The following HCN1 variants were observed in gnomAD, a reference collection of about 807,000 sequenced individuals.
The protein encoded by HCN1 is hyperpolarization activated cyclic nucleotide gated potassium channel 1.
Under a neutral mutation model 78.9 loss-of-function variants are expected in HCN1, and 13 were observed. The ratio of observed to expected loss-of-function variants is 0.16; its 90% CI spans 0.11 to 0.26. HCN1 has a LOEUF of 0.26. Among genes scored for constraint, HCN1 ranks in the 10% least tolerant of loss-of-function variants. HCN1 has a pLI of 1.00. For missense variants in HCN1, 810 were observed against 1,154.3 expected (o/e 0.70, Z 4.32); for synonymous variants, 552 against 455.5 (o/e 1.21, Z -2.70).
At chr5:45,624,396 T>C (rs929308897) in intron 2 of HCN1, among the ~76,000 whole-genome samples, 1 of 152,022 alleles carries the variant, frequency 6.6e-6, no homozygotes, top group Non-Finnish European at 1.5e-5. Flanking sequence ...GCATTAGAGA[T>C]GGAAACAGTG....
chr5:45,482,970 T>C (rs995716993), intron 2 of HCN1, among the ~76,000 whole-genome samples: 1 of 152,204 alleles, frequency 6.6e-6, no homozygotes, highest in Non-Finnish European at 1.5e-5. Flanking sequence ...TAGTATTCTA[T>C]GGTGTATATG....
chr5:45,335,342 A>T (rs926123686), intron 5 of HCN1, among the ~76,000 whole-genome samples: 20 of 152,090 alleles, frequency 1.3e-4, no homozygotes, highest in African/African-American at 4.6e-4. Flanking sequence ...CTACTAATGA[A>T]TCTAATTAGT....
chr5:45,504,434 C>A (rs1052656785), intron 2 of HCN1, among the ~76,000 whole-genome samples: 9 of 151,792 alleles, frequency 5.9e-5, no homozygotes, highest in Non-Finnish European at 1.0e-4. Flanking sequence ...TGAACTCATC[C>A]TTTTTTTTGG....
chr5:45,659,726 A>G (rs1413606359), intron 1 of HCN1, among the ~76,000 whole-genome samples: 1 of 118,192 alleles, frequency 8.5e-6, no homozygotes, highest in Non-Finnish European at 1.7e-5. Flanking sequence ...GAAATGAATG[A>G]AATGAAGCGA....
chr5:45,423,239 T>A (rs759580519), intron 3 of HCN1, among the ~76,000 whole-genome samples: 10 of 152,194 alleles, frequency 6.6e-5, no homozygotes, highest in Non-Finnish European at 1.2e-4. Context: ...TTATTTTACA[T>A]TACTGAGGTG....
chr5:45,348,470 A>C (rs1222131949), intron 5 of HCN1, among the ~76,000 whole-genome samples: 1 of 152,180 alleles, frequency 6.6e-6, no homozygotes, highest in Non-Finnish European at 1.5e-5. Flanking sequence ...AACAAGCAAA[A>C]TAACCAGCTA....
Position 45,539,415 on chromosome 5 carries a change from C to G in HCN1, c.850-77408G>C, listed in dbSNP as rs1225555501. Among the ~76,000 whole-genome samples the G allele has an allele frequency of 9.3e-5, 14 of 151,184 alleles. No homozygotes were observed. In the South Asian group the frequency reaches 2.9e-3, roughly 31 times the overall value. ...TGGTGGCTCACGCCTGTAATCCCAG[C>G]ACTTTGGGAGGCCGAGGTGGGCGGA... On this transcript the variant is annotated intron_variant, in intron 2 of 7. Transcript: ENST00000303230.
At chr5:45,402,064 C>A (rs1051464207) in intron 3 of HCN1, among the ~76,000 whole-genome samples, 1 of 151,924 alleles carries the variant, frequency 6.6e-6, no homozygotes, top group Non-Finnish European at 1.5e-5. Flanking sequence ...AGTTACCAAA[C>A]CCCATAGTAT....
In HCN1 at chr5:45,258,748, T is replaced by C. The variant is rs1178977920; in HGVS notation, c.*3173A>G. The C allele has an allele frequency of 6.6e-6, 1 of 151,968 alleles. No homozygotes were observed. The highest frequency in any genetic ancestry group is 1.5e-5 in the Non-Finnish European group (1 of 67,920). The allele number at this position is 151,968 out of a possible 1,614,324, so 9.4% of individuals were successfully genotyped here. Reference sequence around the variant, plus strand: ...CCTATTTTGTTTAAGGCTATAAATATGAATGTATTTATATAAACCTGTTTT... The same window carrying C: ...CCTATTTTGTTTAAGGCTATAAATACGAATGTATTTATATAAACCTGTTTT... On this transcript the variant is annotated 3_prime_UTR_variant, in exon 8 of 8. Coordinates refer to ENST00000303230, the MANE Select transcript of HCN1 (RefSeq NM_021072.4).
At chr5:45,328,986 A>T (rs1746289592) in intron 5 of HCN1, among the ~76,000 whole-genome samples, 1 of 151,636 alleles carries the variant, frequency 6.6e-6, no homozygotes, top group Admixed American at 6.6e-5. Flanking sequence ...TTTTGTTTTA[A>T]ATGTATTGTA....
intron 4 of HCN1, among the ~76,000 whole-genome samples, chr5:45,382,031 GC>G (rs1747819228): frequency 2.0e-5 from 3 of 152,088 alleles, no homozygotes; most frequent in Admixed American, 6.6e-5. Context: ...ACTTTGAATT[GC>G]TAGAGCAAGT....
intron 4 of HCN1, among the ~76,000 whole-genome samples, chr5:45,375,495 T>G (rs193120885): frequency 0.17 from 8,898 of 53,108 alleles, 10 homozygotes; most frequent in Non-Finnish European, 0.2. Context: ...TGATACATAT[T>G]ATATATAAGA....
intron 2 of HCN1, chr5:45,643,931 T>A (rs560902727): frequency 6.6e-6 from 1 of 152,292 alleles, no homozygotes; most frequent in African/African-American, 2.4e-5. Context: ...AATTACAAGA[T>A]GAATCTGATT....
intron 3 of HCN1, among the ~76,000 whole-genome samples, chr5:45,453,197 G>T (rs910669082): frequency 5.9e-5 from 9 of 152,066 alleles, no homozygotes. Context: ...TTTAGAAAGA[G>T]AAAGTTCATA....
chr5:45,283,200 A>T (rs1745203515), intron 6 of HCN1, among the ~76,000 whole-genome samples: 1 of 152,158 alleles, frequency 6.6e-6, no homozygotes, highest in Non-Finnish European at 1.5e-5. Context: ...TGGGAAACCA[A>T]CCTATGAAAT....
At chr5:45,470,471 TTGAG>T (rs1741368389) in intron 2 of HCN1, among the ~76,000 whole-genome samples, 1 of 151,888 alleles carries the variant, frequency 6.6e-6, no homozygotes, top group East Asian at 1.9e-4. Flanking sequence ...CAAGAAACAA[TTGAG>T]TAAGACTTGA....
chr5:45,675,153 T>C (rs961994892), intron 1 of HCN1, among the ~76,000 whole-genome samples: 10 of 151,696 alleles, frequency 6.6e-5, no homozygotes, highest in African/African-American at 2.4e-4. Flanking sequence ...AAGCATACTG[T>C]CACATACCTA....
At chr5:45,476,276 A>T (rs1405166291) in intron 2 of HCN1, among the ~76,000 whole-genome samples, 1 of 152,102 alleles carries the variant, frequency 6.6e-6, no homozygotes, top group Admixed American at 6.6e-5. Flanking sequence ...GGCATCTCAT[A>T]TCTTGGACTT....
intron 4 of HCN1, among the ~76,000 whole-genome samples, chr5:45,392,541 A>C (rs1260561786): frequency 6.6e-6 from 1 of 152,094 alleles, no homozygotes; most frequent in Non-Finnish European, 1.5e-5. Context: ...GGCCACTAAT[A>C]GTTATCATAT....
Sources: allele counts gnomAD v4.1 joint callset (sites outside exome capture counted in the v4.1 genomes callset), GRCh38; gene constraint gnomAD v4.1.1; transcripts MANE v1.5; gene names NCBI Gene and HGNC (gene_info 2026-07-23, HGNC 2026-07-21).